The following GRM7 variants were observed in gnomAD, a reference collection of about 807,000 sequenced individuals.
GRM7 encodes metabotropic glutamate receptor 7.
GRM7 carries 35 observed loss-of-function variants against 84.5 expected under a neutral mutation model. That is an observed-to-expected ratio of 0.41 (90% confidence interval 0.32 to 0.55). The LOEUF is 0.55. Among genes scored for constraint, GRM7 ranks in the 20% least tolerant of loss-of-function variants. The probability of loss-of-function intolerance (pLI) is 0.19; values close to 1 mark genes in which losing one functional copy is unlikely to be tolerated. For missense variants in GRM7, 1,003 were observed against 1,194.6 expected (o/e 0.84, Z 2.36); for synonymous variants, 487 against 455.1 (o/e 1.07, Z -0.89).
chr3:7,589,737 G>A lies in GRM7; in HGVS notation c.2451+10380G>A, dbSNP rs1447605655. Among the ~76,000 whole-genome samples the A allele has an allele frequency of 2.0e-5, 3 of 152,138 alleles. No individual in the cohort carries two copies. In the East Asian group the frequency reaches 5.8e-4, roughly 29 times the overall value. ...AATCCAGCTTCCCACTGCAGTTGTTGGGAAAAGAAAATGTAAGGAAATGAT... is the reference window on the plus strand; with the variant it reads ...AATCCAGCTTCCCACTGCAGTTGTTAGGAAAAGAAAATGTAAGGAAATGAT... On this transcript the variant is annotated intron_variant, in intron 8 of 9. Transcript: ENST00000357716.
chr3:7,482,544 C>G (rs531567544), intron 7 of GRM7, among the ~76,000 whole-genome samples: 1 of 152,036 alleles, frequency 6.6e-6, no homozygotes, highest in Admixed American at 6.5e-5. Context: ...CCTTAGAGAG[C>G]GAGTTATAAA....
At chr3:7,372,207 G>C (rs986086871) in intron 4 of GRM7, among the ~76,000 whole-genome samples, 1 of 152,164 alleles carries the variant, frequency 6.6e-6, no homozygotes, top group Non-Finnish European at 1.5e-5. Context: ...ACGGTTTGTG[G>C]CAGAAGATGG....
intron 7 of GRM7, among the ~76,000 whole-genome samples, chr3:7,515,683 G>C (rs967235101): frequency 6.6e-6 from 1 of 152,108 alleles, no homozygotes; most frequent in Non-Finnish European, 1.5e-5. Flanking sequence ...CTGTCACCTT[G>C]AGGACTCACA....
chr3:7,178,583 A>T (rs1298147450), intron 2 of GRM7, among the ~76,000 whole-genome samples: 1 of 152,168 alleles, frequency 6.6e-6, no homozygotes, highest in African/African-American at 2.4e-5. Context: ...GGCTAGATTC[A>T]AGAGTCGACC....
At chr3:7,432,652 A>G (rs544903417) in intron 5 of GRM7, among the ~76,000 whole-genome samples, 2 of 152,138 alleles carry the variant, frequency 1.3e-5, no homozygotes, top group South Asian at 4.2e-4. Context: ...AAAAAAATAG[A>G]AATAATAGAT....
At chr3:7,116,004 C>T (rs565549681) in intron 1 of GRM7, among the ~76,000 whole-genome samples, 2 of 152,212 alleles carry the variant, frequency 1.3e-5, no homozygotes, top group African/African-American at 4.8e-5. Context: ...TTCCAGAGGG[C>T]TCTTATGCAA....
In GRM7 at chr3:7,620,641, G is replaced by A. The variant is rs141590585; in HGVS notation, c.2451+41284G>A. 5.3e-3 allele frequency among the ~76,000 whole-genome samples: 811 copies of A among 152,234 alleles called. 7 individuals carry two copies. The highest frequency in any genetic ancestry group is 0.018 in the African/African-American group (745 of 41,544). On this transcript the variant is annotated intron_variant, in intron 8 of 9. Transcript: ENST00000357716. ...GGAATAGATAAATACATATGTGTGG[G>A]TTTATTTCCAAAATGACTTTTATAT...
At chr3:6,911,875 T>G (rs140107386) in intron 1 of GRM7, among the ~76,000 whole-genome samples, 2 of 152,342 alleles carry the variant, frequency 1.3e-5, no homozygotes, top group Non-Finnish European at 2.9e-5. Context: ...TAAGAACATA[T>G]GATAATCATA....
intron 2 of GRM7, among the ~76,000 whole-genome samples, chr3:7,165,386 G>C (rs1313206642): frequency 6.6e-6 from 1 of 152,192 alleles, no homozygotes; most frequent in Non-Finnish European, 1.5e-5. Context: ...TAAACTATCA[G>C]AGTAATATAG....
intron 1 of GRM7, among the ~76,000 whole-genome samples, chr3:7,029,758 A>C (rs911610720): frequency 6.6e-6 from 1 of 152,194 alleles, no homozygotes; most frequent in African/African-American, 2.4e-5. Context: ...CAGTTTGGGA[A>C]GATGAAAAAG....
At chr3:6,911,436 C>T (rs906617338) in intron 1 of GRM7, among the ~76,000 whole-genome samples, 1 of 152,050 alleles carries the variant, frequency 6.6e-6, no homozygotes, top group African/African-American at 2.4e-5. Context: ...GTTTAAGAGC[C>T]CTTACCCCTT....
At chr3:7,610,657 G>T (rs553849701) in intron 8 of GRM7, among the ~76,000 whole-genome samples, 4 of 152,272 alleles carry the variant, frequency 2.6e-5, no homozygotes, top group Non-Finnish European at 5.9e-5. Flanking sequence ...TAGGTATGAG[G>T]TATATCCAAA....
At chr3:7,024,325 G>A (rs1440360486) in intron 1 of GRM7, among the ~76,000 whole-genome samples, 1 of 152,136 alleles carries the variant, frequency 6.6e-6, no homozygotes, top group East Asian at 1.9e-4. Flanking sequence ...ATGCAATGAA[G>A]GAAAGGAAAT....
At chr3:7,619,124 T>A (rs1332812328) in intron 8 of GRM7, among the ~76,000 whole-genome samples, 1 of 152,102 alleles carries the variant, frequency 6.6e-6, no homozygotes, top group Non-Finnish European at 1.5e-5. Flanking sequence ...CTAGACTTAT[T>A]TTAGTCGGCC....
intron 8 of GRM7, among the ~76,000 whole-genome samples, chr3:7,640,790 T>A (rs959879123): frequency 8.5e-5 from 13 of 152,174 alleles, no homozygotes; most frequent in African/African-American, 3.1e-4. Flanking sequence ...AGTGATATCA[T>A]CTGCATTTTT....
intron 5 of GRM7, among the ~76,000 whole-genome samples, chr3:7,419,908 A>G (rs1575310395): frequency 6.6e-6 from 1 of 152,202 alleles, no homozygotes; most frequent in East Asian, 1.9e-4. Flanking sequence ...TCACACAATA[A>G]GCAAATTCAG....
intron 5 of GRM7, among the ~76,000 whole-genome samples, chr3:7,435,851 CTTTTTTTTTTTT>C (rs34860272): frequency 2.2e-5 from 2 of 89,270 alleles, no homozygotes; most frequent in African/African-American, 8.7e-5. Context: ...CCACACCCAT[CTTTTTTTTTTTT>C]TTTTTTTTTT....
rs539118430 is a variant in GRM7, at chr3:7,629,599, G to A, written c.2451+50242G>A. ...TCAAATATACGTGCATTGGGGGTTAGGGCTGCCTCATACAAATGGTATGGG... is the reference window on the plus strand; with the variant it reads ...TCAAATATACGTGCATTGGGGGTTAAGGCTGCCTCATACAAATGGTATGGG... On this transcript the variant is annotated intron_variant, in intron 8 of 9. Transcript: ENST00000357716. Among the ~76,000 whole-genome samples, 4 of 152,252 alleles carry A rather than the reference G, an allele frequency of 2.6e-5. No homozygotes were observed. The South Asian group carries it at 6.2e-4, about 24-fold the overall frequency.
At chr3:7,527,322 G>T (rs1391297666) in intron 7 of GRM7, among the ~76,000 whole-genome samples, 1 of 152,004 alleles carries the variant, frequency 6.6e-6, no homozygotes, top group African/African-American at 2.4e-5. Flanking sequence ...TTTGCTTTCA[G>T]CTTGAATGTT....
Sources: allele counts gnomAD v4.1 joint callset (sites outside exome capture counted in the v4.1 genomes callset), GRCh38; gene constraint gnomAD v4.1.1; transcripts MANE v1.5; gene names NCBI Gene and HGNC (gene_info 2026-07-23, HGNC 2026-07-21).